USP28: variants seen among roughly 807,000 people sequenced by gnomAD.
USP28 encodes the protein ubiquitin specific peptidase 28, also known as ubiquitin carboxyl-terminal hydrolase 28.
Under a neutral mutation model 145.0 loss-of-function variants are expected in USP28, and 113 were observed. The ratio of observed to expected loss-of-function variants is 0.78; its 90% CI spans 0.67 to 0.91. USP28 has a LOEUF of 0.91. USP28 is among the 40% of genes least tolerant of loss of function. USP28 has a pLI of 0.00. For synonymous variants in USP28, 447 were observed against 450.9 expected (o/e 0.99, Z 0.11); for missense variants, 1,201 against 1,289.6 (o/e 0.93, Z 1.05).
At chr11:113,875,293 T>C in intron 1 of USP28, 152 bp downstream of exon 1, 2 of 502,170 alleles carry the variant, frequency 4.0e-6, no homozygotes, top group Non-Finnish European at 5.5e-6. Context: ...GCAGAGCCCT[T>C]GGCCTTCTCA....
At chr11:113,843,303 G>T (rs1336886818) in intron 3 of USP28, among the ~76,000 whole-genome samples, 1 of 151,932 alleles carries the variant, frequency 6.6e-6, no homozygotes, top group African/African-American at 2.4e-5. Context: ...ACCTACAAGG[G>T]AAACCCAAAA....
In USP28 at chr11:113,875,567, G is replaced by A. The variant is rs995317655; in HGVS notation, c.-66C>T. The A allele has an allele frequency of 5.5e-6, 6 of 1,093,976 alleles. No homozygotes were observed. In the African/African-American group the frequency reaches 8.5e-5, roughly 16 times the overall value. The allele number at this position is 1,093,976 out of a possible 1,614,324, so 67.8% of individuals were successfully genotyped here. On this transcript the variant is annotated 5_prime_UTR_variant, in exon 1 of 25. Coordinates refer to ENST00000003302, the Ensembl canonical transcript of USP28. ...AGCCGCCGCCGGCCCAGCCTCTCAGGACTAGGCCCCGCCCCCGCCCTCCAC... is the reference window on the plus strand; with the variant it reads ...AGCCGCCGCCGGCCCAGCCTCTCAGAACTAGGCCCCGCCCCCGCCCTCCAC...
intron 11 of USP28, among the ~76,000 whole-genome samples, chr11:113,824,940 A>T (rs1943126231): frequency 6.6e-6 from 1 of 150,652 alleles, no homozygotes; most frequent in Non-Finnish European, 1.5e-5. Flanking sequence ...TTAAAAAAAA[A>T]AAAAAAAAAA....
chr11:113,812,291 G>C, exon 16 of USP28: 2 of 1,613,784 alleles, frequency 1.2e-6, no homozygotes, highest in Non-Finnish European at 8.5e-7. Flanking sequence ...TTGAAGTAGG[G>C]TAGTTTGTCA....
At chr11:113,804,868 C>G in exon 20 of USP28, 1 of 1,613,992 alleles carries the variant, frequency 6.2e-7, no homozygotes. Flanking sequence ...CTCTTCTCAC[C>G]TTTCATCATA....
chr11:113,828,885 G>C (rs1284380025), intron 10 of USP28: 2 of 535,134 alleles, frequency 3.7e-6, no homozygotes, highest in Admixed American at 4.5e-5. Flanking sequence ...CGAAAATATG[G>C]AGGCAGTGGG....
At chr11:113,815,577 C>T (rs1296322171) in intron 13 of USP28, among the ~76,000 whole-genome samples, 195 bp from the exon 14 acceptor site, 1 of 152,210 alleles carries the variant, frequency 6.6e-6, no homozygotes, top group African/African-American at 2.4e-5. Context: ...AGATACTTTT[C>T]TATCCCTATT....
Position 113,801,330 on chromosome 11 carries a change from CTT to C in USP28, c.3058+151_3058+152del, listed in dbSNP as rs557521524. Among the ~76,000 whole-genome samples, 17 of 152,314 alleles carry C rather than the reference CTT, an allele frequency of 1.1e-4. No individual in the cohort carries two copies. In the East Asian group the frequency reaches 2.9e-3, roughly 26 times the overall value. ...GGGGCAGAGGCCCAGGCTCCCTCCT[CTT>C]GTTTCAATAGAGCAGATCCATTTTT... is the stretch of plus-strand genomic sequence containing the variant. On this transcript the variant is annotated intron_variant, in intron 24 of 24. Coordinates refer to ENST00000003302, the Ensembl canonical transcript of USP28.
intron 16 of USP28, 45 bp downstream of exon 16, chr11:113,812,231 G>A (rs1486733510): frequency 6.0e-6 from 9 of 1,489,038 alleles, no homozygotes; most frequent in African/African-American, 1.4e-5. Context: ...TCCCTGAGCA[G>A]TACAGATTTT....
At position 113,803,368 on chromosome 11, in the gene USP28, C is replaced by G. The variant is rs1013779808; in HGVS notation, c.2739-87G>C. 4 of 1,405,814 alleles carry G rather than the reference C, an allele frequency of 2.8e-6. No homozygotes were observed. The African/African-American group carries it at 5.8e-5, about 20-fold the overall frequency. 87.1% of individuals were successfully genotyped at this position (1,405,814 alleles called of 1,614,324 possible). ...CCTCACTTTTCCCCATTTCAAGAAC[C>G]TACTTGGCTGCAATTCTGAAAAAGT... On this transcript the variant is annotated intron_variant, in intron 22 of 24. Coordinates refer to ENST00000003302, the Ensembl canonical transcript of USP28.
chr11:113,852,770 G>A, intron 2 of USP28, 137 bp from the exon 3 acceptor site: 1 of 978,950 alleles, frequency 1.0e-6, no homozygotes, highest in Non-Finnish European at 1.5e-6. Flanking sequence ...TGAGACTATG[G>A]TGGACAGTAG....
At chr11:113,811,906 T>C (rs1452433772) in intron 16 of USP28, among the ~76,000 whole-genome samples, 2 of 151,990 alleles carry the variant, frequency 1.3e-5, no homozygotes, top group African/African-American at 4.8e-5. Context: ...TTACTAAAAA[T>C]ATAGAGATTG....
At chr11:113,835,633 C>G (rs1045459973) in intron 5 of USP28, among the ~76,000 whole-genome samples, 5 of 152,218 alleles carry the variant, frequency 3.3e-5, no homozygotes, top group African/African-American at 9.6e-5. Flanking sequence ...TTCCACCTCA[C>G]CTGTCTACCT....
At chr11:113,873,066 G>C (rs1462539653) in intron 1 of USP28, among the ~76,000 whole-genome samples, 1 of 152,214 alleles carries the variant, frequency 6.6e-6, no homozygotes, top group Non-Finnish European at 1.5e-5. Context: ...GAGTGTCAGG[G>C]AAGGATAGCT....
At chr11:113,804,743 C>T in exon 21 of USP28, 1 of 1,614,160 alleles carries the variant, frequency 6.2e-7, no homozygotes, top group Non-Finnish European at 8.5e-7. Context: ...CTTCATAATG[C>T]TGATTGATCT....
At chr11:113,858,416 C>T (rs17802676) in intron 1 of USP28, among the ~76,000 whole-genome samples, 13,803 of 152,206 alleles carry the variant, frequency 0.091, 786 homozygotes, top group Middle Eastern at 0.17. Flanking sequence ...CATTATTAAA[C>T]TATGGTATGC....
intron 3 of USP28, among the ~76,000 whole-genome samples, chr11:113,843,909 T>C (rs1945514723): frequency 6.6e-6 from 1 of 152,088 alleles, no homozygotes; most frequent in African/African-American, 2.4e-5. Context: ...CTGTGACAAC[T>C]GAACACCACA....
At chr11:113,817,973 C>A in intron 12 of USP28, 136 bp from the exon 13 acceptor site, 1 of 845,156 alleles carries the variant, frequency 1.2e-6, no homozygotes, top group Non-Finnish European at 1.8e-6. Flanking sequence ...TTAATAGGGT[C>A]CTCAAACAAT....
intron 12 of USP28, among the ~76,000 whole-genome samples, chr11:113,822,276 C>T (rs1223348115): frequency 6.6e-6 from 1 of 152,128 alleles, no homozygotes; most frequent in Non-Finnish European, 1.5e-5. Flanking sequence ...ATGGTGAAAC[C>T]TTGTCTCTAC....
Sources: gnomAD v4.1 joint callset for allele counts (sites outside exome capture counted in the v4.1 genomes callset) on GRCh38, gnomAD v4.1.1 for gene constraint, MANE v1.5 for transcripts, NCBI Gene and HGNC (gene_info 2026-07-23, HGNC 2026-07-21) for gene names.